MED12L: variants seen among roughly 807,000 people sequenced by gnomAD.
MED12L encodes mediator of RNA polymerase II transcription subunit 12-like protein.
MED12L carries 60 observed loss-of-function variants against 281.3 expected under a neutral mutation model. The ratio of observed to expected loss-of-function variants is 0.21; its 90% CI spans 0.17 to 0.26. MED12L has a LOEUF of 0.26. MED12L is among the 10% of genes least tolerant of loss of function. MED12L has a pLI of 1.00. For missense variants in MED12L, 2,146 were observed against 2,680.9 expected, an observed-to-expected ratio of 0.80 and a Z score of 4.41; for synonymous variants, 974 against 987.2, an observed-to-expected ratio of 0.99 and a Z score of 0.25.
intron 16 of MED12L, among the ~76,000 whole-genome samples, chr3:151,332,492 A>T (rs182635917): frequency 3.9e-5 from 6 of 152,302 alleles, no homozygotes; most frequent in Admixed American, 3.9e-4. Context: ...TAATGTAACA[A>T]TCTGTTTTTC....
At chr3:151,193,394 A>G (rs1724237598) in intron 15 of MED12L, 96 bp from the exon 16 acceptor site, 19 of 878,820 alleles carry the variant, frequency 2.2e-5, no homozygotes, top group East Asian at 7.5e-5. Context: ...GAAAAGGTGT[A>G]TAAGTGTCTT....
chr3:151,109,408 T>C (rs1485323783), intron 2 of MED12L, among the ~76,000 whole-genome samples: 1 of 152,218 alleles, frequency 6.6e-6, no homozygotes, highest in Non-Finnish European at 1.5e-5. Flanking sequence ...GCCTTACATA[T>C]TAGCATGGAC....
chr3:151,220,682 G>T (rs1729169338), intron 16 of MED12L, among the ~76,000 whole-genome samples: 1 of 152,218 alleles, frequency 6.6e-6, no homozygotes, highest in Admixed American at 6.5e-5. Flanking sequence ...TGCCATGTGA[G>T]ACATGCCTGT....
At chr3:151,416,736 A>G (rs1040253837) in intron 43 of MED12L, among the ~76,000 whole-genome samples, 1 of 152,210 alleles carries the variant, frequency 6.6e-6, no homozygotes, top group Non-Finnish European at 1.5e-5. Flanking sequence ...ATGATTTACT[A>G]TGTATGTTTA....
At chr3:151,355,450 A>G (rs1753789447) in intron 18 of MED12L, among the ~76,000 whole-genome samples, 1 of 152,134 alleles carries the variant, frequency 6.6e-6, no homozygotes, top group Non-Finnish European at 1.5e-5. Flanking sequence ...TTTTGTCCTT[A>G]TGATAATAAT....
intron 33 of MED12L, among the ~76,000 whole-genome samples, chr3:151,383,108 T>A (rs1410170547): frequency 6.6e-6 from 1 of 152,254 alleles, no homozygotes; most frequent in Non-Finnish European, 1.5e-5. Flanking sequence ...TAACTCAAAG[T>A]TTTGTCCAAC....
At chr3:151,245,298 T>C (rs1372585933) in intron 16 of MED12L, among the ~76,000 whole-genome samples, 5 of 152,052 alleles carry the variant, frequency 3.3e-5, no homozygotes, top group South Asian at 2.1e-4. Context: ...ATACCAAAGC[T>C]GGGCAGAGAC....
At chr3:151,367,394 T>G (rs972658360) in intron 23 of MED12L, among the ~76,000 whole-genome samples, 6 of 152,226 alleles carry the variant, frequency 3.9e-5, no homozygotes, top group African/African-American at 1.2e-4. Context: ...GTTGTGTTTT[T>G]CATTTGCATG....
intron 16 of MED12L, among the ~76,000 whole-genome samples, chr3:151,195,080 G>T (rs1190885568): frequency 1.3e-5 from 2 of 152,074 alleles, no homozygotes; most frequent in East Asian, 3.9e-4. Context: ...GGAGAATGGC[G>T]TGAACCCCAG....
intron 43 of MED12L, among the ~76,000 whole-genome samples, chr3:151,429,418 G>A (rs960498510): frequency 5.9e-5 from 9 of 152,158 alleles, no homozygotes; most frequent in Non-Finnish European, 1.3e-4. Context: ...GTGTCAGAAC[G>A]CCTCGTTTAT....
intron 5 of MED12L, among the ~76,000 whole-genome samples, chr3:151,137,168 A>G (rs943887628): frequency 1.5e-4 from 20 of 134,504 alleles, no homozygotes; most frequent in Non-Finnish European, 3.1e-4. Context: ...CTCAAAAAAA[A>G]AAAGAAAAAA....
chr3:151,253,068 G>T (rs1737146523), intron 16 of MED12L, among the ~76,000 whole-genome samples: 1 of 152,114 alleles, frequency 6.6e-6, no homozygotes, highest in Admixed American at 6.5e-5. Flanking sequence ...CCTGTCTTTT[G>T]AGTTCAACAC....
At chr3:151,362,357 C>G (rs924141438) in intron 21 of MED12L, among the ~76,000 whole-genome samples, 1 of 152,010 alleles carries the variant, frequency 6.6e-6, no homozygotes, top group Non-Finnish European at 1.5e-5. Context: ...TCTTCCACCC[C>G]TTTCCCTCTG....
At chr3:151,424,611 A>T (rs1266854505) in intron 43 of MED12L, among the ~76,000 whole-genome samples, 4 of 130,908 alleles carry the variant, frequency 3.1e-5, no homozygotes, top group Non-Finnish European at 6.8e-5. Flanking sequence ...ACTGAGCAAA[A>T]CTCTGTCTCA....
In MED12L at chr3:151,085,776, T is replaced by C. The variant is rs1719076279; in HGVS notation, c.-290T>C. 1 of 151,876 alleles carries C rather than the reference T, an allele frequency of 6.6e-6. No individual in the cohort carries two copies. The allele number at this position is 151,876 out of a possible 1,614,324, so 9.4% of individuals were successfully genotyped here. A position where few individuals can be genotyped will look rare whatever the true frequency, so the allele number is the denominator to read the frequency against. On this transcript the variant is annotated 5_prime_UTR_variant, in exon 1 of 45. Coordinates refer to ENST00000687756, the MANE Select transcript of MED12L (RefSeq NM_001393769.1). Reference sequence around the variant, plus strand: ...GGCGTCGCTCGCCGCCCCCAGACAGTGGCAAACTTCGCGGCGTTCCCGGAG... The same window carrying C: ...GGCGTCGCTCGCCGCCCCCAGACAGCGGCAAACTTCGCGGCGTTCCCGGAG...
intron 16 of MED12L, among the ~76,000 whole-genome samples, chr3:151,234,707 A>G (rs1732368628): frequency 6.6e-6 from 1 of 152,234 alleles, no homozygotes; most frequent in Admixed American, 6.5e-5. Flanking sequence ...AGTTACTGTA[A>G]TATCCAACCT....
At chr3:151,391,654 A>T (rs80306241) in intron 38 of MED12L, among the ~76,000 whole-genome samples, 47,165 of 151,994 alleles carry the variant, frequency 0.31, 8,014 homozygotes, top group Non-Finnish European at 0.39. Context: ...TGGGCTGCAT[A>T]CAAAGCCATC....
At chr3:151,284,928 TTGAA>T (rs1167839180) in intron 16 of MED12L, among the ~76,000 whole-genome samples, 2 of 152,120 alleles carry the variant, frequency 1.3e-5, no homozygotes, top group African/African-American at 2.4e-5. Flanking sequence ...TATTTAGTCT[TTGAA>T]TGAGCCATTT....
At chr3:151,284,076 G>C (rs569670657) in intron 16 of MED12L, among the ~76,000 whole-genome samples, 3 of 152,324 alleles carry the variant, frequency 2.0e-5, no homozygotes, top group African/African-American at 7.2e-5. Context: ...CTTAATGAAT[G>C]TAAGAACATA....
Sources: allele counts gnomAD v4.1 joint callset (sites outside exome capture counted in the v4.1 genomes callset), GRCh38; gene constraint gnomAD v4.1.1; transcripts MANE v1.5; gene names NCBI Gene and HGNC (gene_info 2026-07-23, HGNC 2026-07-21).